The following SMYD3 variants were observed in gnomAD, a reference collection of about 807,000 sequenced individuals.
SMYD3 encodes the protein histone-lysine N-methyltransferase SMYD3.
Under a neutral mutation model 57.7 loss-of-function variants are expected in SMYD3, and 36 were observed. The ratio of observed to expected loss-of-function variants is 0.62; its 90% CI spans 0.48 to 0.82. The LOEUF (loss-of-function observed/expected upper bound fraction) is 0.82. Among genes scored for constraint, SMYD3 ranks in the 40% least tolerant of loss-of-function variants. The pLI is 0.00. For synonymous variants in SMYD3, 211 were observed against 195.0 expected, an observed-to-expected ratio of 1.08 and a Z score of -0.68; for missense variants, 515 against 538.8, an observed-to-expected ratio of 0.96 and a Z score of 0.44.
At chr1:245,802,689 G>C in intron 10 of SMYD3, among the ~76,000 whole-genome samples, 1 of 152,220 alleles carries the variant, frequency 6.6e-6, no homozygotes, top group South Asian at 2.1e-4. Context: ...GGTGCCTGTT[G>C]GTGGCCTAAA....
At chr1:246,297,222 T>C (rs901702189) in intron 5 of SMYD3, among the ~76,000 whole-genome samples, 1 of 152,120 alleles carries the variant, frequency 6.6e-6, no homozygotes, top group South Asian at 2.1e-4. Flanking sequence ...TGCCAACATT[T>C]AAAGATCCAT....
intron 1 of SMYD3, among the ~76,000 whole-genome samples, chr1:246,406,678 T>C (rs1438560525): frequency 1.3e-5 from 2 of 152,352 alleles, no homozygotes; most frequent in African/African-American, 4.8e-5. Context: ...AATGTGCCTA[T>C]TTATTTTCAA....
chr1:245,896,207 T>C (rs2053769434), intron 8 of SMYD3, among the ~76,000 whole-genome samples: 1 of 152,072 alleles, frequency 6.6e-6, no homozygotes, highest in African/African-American at 2.4e-5. Flanking sequence ...ATTAGATCAT[T>C]ATCTTCTCGT....
intron 10 of SMYD3, among the ~76,000 whole-genome samples, chr1:245,777,543 G>T (rs1465138534): frequency 6.6e-6 from 1 of 152,060 alleles, no homozygotes. Flanking sequence ...CGTATCACCT[G>T]GATAACTGGG....
chr1:246,429,085 G>A (rs548640822), intron 1 of SMYD3, among the ~76,000 whole-genome samples: 16 of 143,152 alleles, frequency 1.1e-4, no homozygotes, highest in African/African-American at 2.8e-4. Context: ...ACCAACCACC[G>A]TAGACAGGGA....
At chr1:246,191,734 G>A (rs2062741845) in intron 5 of SMYD3, among the ~76,000 whole-genome samples, 1 of 152,128 alleles carries the variant, frequency 6.6e-6, no homozygotes, top group Non-Finnish European at 1.5e-5. Flanking sequence ...GATCACAAAT[G>A]TCTTCAAGCT....
At chr1:245,995,713 G>T (rs2058916682) in intron 5 of SMYD3, among the ~76,000 whole-genome samples, 1 of 152,216 alleles carries the variant, frequency 6.6e-6, no homozygotes, top group Admixed American at 6.5e-5. Context: ...CAGGGGCCTA[G>T]GCCCCAGTTC....
At chr1:246,421,613 G>A (rs1004883234) in intron 1 of SMYD3, among the ~76,000 whole-genome samples, 2 of 151,994 alleles carry the variant, frequency 1.3e-5, no homozygotes, top group East Asian at 1.9e-4. Context: ...AACAGAAAAA[G>A]ACTAAAAACC....
chr1:246,339,721 A>G (rs893865446), intron 2 of SMYD3, among the ~76,000 whole-genome samples: 1 of 152,218 alleles, frequency 6.6e-6, no homozygotes, highest in Non-Finnish European at 1.5e-5. Context: ...CCCCAGTGCA[A>G]CATGTTGAGA....
intron 10 of SMYD3, among the ~76,000 whole-genome samples, chr1:245,806,837 G>A (rs2048185179): frequency 2.0e-5 from 3 of 148,002 alleles, no homozygotes; most frequent in Non-Finnish European, 4.4e-5. Context: ...GTGAACCCGG[G>A]AGGCGGAGCT....
intron 5 of SMYD3, among the ~76,000 whole-genome samples, chr1:246,087,763 C>T (rs560519196): frequency 3.3e-5 from 5 of 152,254 alleles, no homozygotes; most frequent in African/African-American, 1.2e-4. Context: ...GCTGTCATTA[C>T]GGCTTTAGAT....
chr1:246,167,829 G>C (rs755901087), intron 5 of SMYD3, among the ~76,000 whole-genome samples: 2 of 152,104 alleles, frequency 1.3e-5, no homozygotes, highest in Non-Finnish European at 2.9e-5. Context: ...GTTTTGATTT[G>C]CATTTCCTTA....
intron 1 of SMYD3, among the ~76,000 whole-genome samples, chr1:246,407,919 C>T (rs2066893624): frequency 6.6e-6 from 1 of 151,514 alleles, no homozygotes; most frequent in African/African-American, 2.4e-5. Context: ...AAAATCAAAA[C>T]GTCTGCATAT....
chr1:246,396,293 G>A (rs1391188784), intron 1 of SMYD3, among the ~76,000 whole-genome samples: 1 of 152,102 alleles, frequency 6.6e-6, no homozygotes, highest in Non-Finnish European at 1.5e-5. Flanking sequence ...ATCCTATACT[G>A]TTTGGAAATT....
intron 5 of SMYD3, among the ~76,000 whole-genome samples, chr1:246,183,755 C>T (rs1337680760): frequency 6.6e-6 from 1 of 152,114 alleles, no homozygotes; most frequent in Non-Finnish European, 1.5e-5. Context: ...GAGGTCAGGA[C>T]ATTACAGATG....
At chr1:245,881,970 G>A (rs557561760) in intron 8 of SMYD3, among the ~76,000 whole-genome samples, 5 of 152,190 alleles carry the variant, frequency 3.3e-5, no homozygotes, top group Non-Finnish European at 5.9e-5. Context: ...GAGCCAGGCC[G>A]CACAGGGGCC....
chr1:246,492,732 T>C (rs1460748039), intron 1 of SMYD3, among the ~76,000 whole-genome samples: 1 of 152,202 alleles, frequency 6.6e-6, no homozygotes, highest in Admixed American at 6.5e-5. Context: ...CATGTACCAC[T>C]ACAAATAGAT....
At chr1:245,826,907 A>G (rs920476870) in intron 10 of SMYD3, among the ~76,000 whole-genome samples, 3 of 152,202 alleles carry the variant, frequency 2.0e-5, no homozygotes, top group African/African-American at 7.2e-5. Flanking sequence ...CCATGATCCA[A>G]CTACCACCAC....
At chr1:246,345,748 T>C (rs534615239) in intron 2 of SMYD3, among the ~76,000 whole-genome samples, 1 of 152,300 alleles carries the variant, frequency 6.6e-6, no homozygotes, top group African/African-American at 2.4e-5. Context: ...ATCCTGAGCA[T>C]GCCTTTGATA....
Sources: gnomAD v4.1 joint callset for allele counts (sites outside exome capture counted in the v4.1 genomes callset) on GRCh38, gnomAD v4.1.1 for gene constraint, MANE v1.5 for transcripts, NCBI Gene and HGNC (gene_info 2026-07-23, HGNC 2026-07-21) for gene names.